Variants in CMIP observed in about 807,000 individuals in gnomAD.
CMIP encodes the protein c-Maf inducing protein, also known as C-Maf-inducing protein.
CMIP carries 13 observed loss-of-function variants against 97.3 expected under a neutral mutation model. The observed-to-expected ratio is 0.13, with a 90% CI of 0.09 to 0.21. The LOEUF (loss-of-function observed/expected upper bound fraction) is 0.21, where lower values mean the gene tolerates loss of function less well. Ranked by LOEUF, CMIP falls within the 10% of genes least tolerant of loss-of-function variation. The pLI is 1.00. For missense variants in CMIP, 847 were observed against 1,024.9 expected (o/e 0.83, Z 2.37); for synonymous variants, 538 against 436.3 (o/e 1.23, Z -2.91).
chr16:81,592,279 C>T (rs2091477527), intron 1 of CMIP, among the ~76,000 whole-genome samples: 1 of 152,224 alleles, frequency 6.6e-6, no homozygotes, highest in South Asian at 2.1e-4. Flanking sequence ...GGTCTGTGTC[C>T]TGTCTCAGGC....
chr16:81,535,168 T>G (rs755227250), intron 1 of CMIP, among the ~76,000 whole-genome samples: 1 of 152,198 alleles, frequency 6.6e-6, no homozygotes, highest in South Asian at 2.1e-4. Context: ...GCCAGGATGG[T>G]CTCGATCTCC....
Position 81,702,630 on chromosome 16 carries a change from A to G in CMIP, c.1905A>G (p.Lys635=). 20 of 1,613,606 alleles carry G rather than the reference A, an allele frequency of 1.2e-5. No homozygotes were observed. The highest frequency in any genetic ancestry group is 1.7e-5 in the Non-Finnish European group (20 of 1,179,724). Residue 635 remains lysine, a synonymous_variant, in exon 17 of 21, where the codon AAA becomes AAG. Transcript: ENST00000537098. ...RQRELKELQR[K]GGPTRLTLPS... is the part of the protein sequence containing the mutation. ...CCTGGTTTCTGTTGCAGCAAAGGAA[A>G]GGCGGGCCCACCAGGCTAACACTGC... is the stretch of plus-strand genomic sequence containing the variant.
chr16:81,650,114 C>T (rs1362351711), intron 3 of CMIP, among the ~76,000 whole-genome samples: 2 of 152,208 alleles, frequency 1.3e-5, no homozygotes, highest in African/African-American at 4.8e-5. Context: ...TAGTCACTGT[C>T]ACCATCGTCA....
chr16:81,493,820 G>C (rs2089443953), intron 1 of CMIP, among the ~76,000 whole-genome samples: 1 of 152,232 alleles, frequency 6.6e-6, no homozygotes, highest in African/African-American at 2.4e-5. Context: ...TCACACAGCA[G>C]CCGGGACCGG....
chr16:81,490,509 A>G (rs1406685981), intron 1 of CMIP, among the ~76,000 whole-genome samples: 2 of 152,006 alleles, frequency 1.3e-5, no homozygotes, highest in Non-Finnish European at 2.9e-5. Context: ...AATCCCAGCT[A>G]CTCGGGCGGC....
intron 1 of CMIP, among the ~76,000 whole-genome samples, chr16:81,502,104 T>G (rs2089624264): frequency 6.6e-6 from 1 of 152,224 alleles, no homozygotes; most frequent in South Asian, 2.1e-4. Context: ...AGCTACTGCC[T>G]AGCTCCGATG....
chr16:81,562,823 G>A (rs2150875235), intron 1 of CMIP, among the ~76,000 whole-genome samples: 1 of 152,282 alleles, frequency 6.6e-6, no homozygotes, highest in South Asian at 2.1e-4. Flanking sequence ...AGCTCAGAAG[G>A]GTACACTTAC....
chr16:81,603,489 C>T (rs1226452769), intron 1 of CMIP: 1 of 454,252 alleles, frequency 2.2e-6, no homozygotes, highest in Non-Finnish European at 4.4e-6. Flanking sequence ...GCTTCCCCAG[C>T]TGCTAGTATC....
intron 3 of CMIP, among the ~76,000 whole-genome samples, chr16:81,641,979 C>G (rs1018961787): frequency 6.6e-6 from 1 of 152,230 alleles, no homozygotes; most frequent in Non-Finnish European, 1.5e-5. Context: ...CCTCGATGTT[C>G]TCATCTGTAA....
chr16:81,709,522 A>T (rs1908524396), intron 20 of CMIP, among the ~76,000 whole-genome samples: 1 of 152,174 alleles, frequency 6.6e-6, no homozygotes, highest in Non-Finnish European at 1.5e-5. Flanking sequence ...AGGCGGGGGC[A>T]TGGGAACCCC....
intron 1 of CMIP, among the ~76,000 whole-genome samples, chr16:81,506,886 C>T (rs1372135066): frequency 7.3e-6 from 1 of 136,342 alleles, no homozygotes; most frequent in Non-Finnish European, 1.5e-5. Context: ...GCCTGGATGA[C>T]AGAGCGAGAC....
chr16:81,494,630 C>G (rs115810156), intron 1 of CMIP, among the ~76,000 whole-genome samples: 162 of 152,230 alleles, frequency 1.1e-3, no homozygotes, highest in African/African-American at 3.6e-3. Flanking sequence ...CCCCCGGGGC[C>G]GCCCCCCGAT....
chr16:81,708,058 A>T (rs138217966), intron 20 of CMIP, among the ~76,000 whole-genome samples: 27 of 152,338 alleles, frequency 1.8e-4, no homozygotes, highest in African/African-American at 6.5e-4. Flanking sequence ...AGGGACAGGG[A>T]CACCGAGGTG....
At chr16:81,454,500 T>C (rs1906426495) in intron 1 of CMIP, among the ~76,000 whole-genome samples, 2 of 152,230 alleles carry the variant, frequency 1.3e-5, no homozygotes, top group South Asian at 4.1e-4. Flanking sequence ...GGACATTCCT[T>C]TGTGATTTTG....
intron 9 of CMIP, among the ~76,000 whole-genome samples, chr16:81,676,884 C>T (rs1904332597): frequency 6.6e-6 from 1 of 152,154 alleles, no homozygotes; most frequent in Non-Finnish European, 1.5e-5. Context: ...CTGGGAGCCC[C>T]TTTAGAGGCA....
intron 5 of CMIP, among the ~76,000 whole-genome samples, chr16:81,658,900 C>T (rs78962911): frequency 2.4e-3 from 364 of 152,336 alleles, no homozygotes; most frequent in South Asian, 5.8e-3. Context: ...CCCACTCAGT[C>T]GGCCCTGGCA....
At chr16:81,544,227 G>C (rs746161121) in intron 1 of CMIP, among the ~76,000 whole-genome samples, 2 of 152,232 alleles carry the variant, frequency 1.3e-5, no homozygotes, top group Non-Finnish European at 2.9e-5. Context: ...TCATGTGCAC[G>C]CATCCCTTTT....
chr16:81,571,805 C>T (rs988240929), intron 1 of CMIP, among the ~76,000 whole-genome samples: 2 of 152,174 alleles, frequency 1.3e-5, no homozygotes, highest in African/African-American at 4.8e-5. Context: ...GGGAGCCCTG[C>T]TTCCCTGGCT....
chr16:81,450,936 G>A (rs1906168724), intron 1 of CMIP, among the ~76,000 whole-genome samples: 1 of 152,226 alleles, frequency 6.6e-6, no homozygotes, highest in African/African-American at 2.4e-5. Flanking sequence ...CATGCACACA[G>A]CTGTCTACCG....
Sources: allele counts gnomAD v4.1 joint callset (sites outside exome capture counted in the v4.1 genomes callset), GRCh38; gene constraint gnomAD v4.1.1; transcripts MANE v1.5; gene names NCBI Gene and HGNC (gene_info 2026-07-23, HGNC 2026-07-21).